PTPRT: variants seen among roughly 807,000 people sequenced by gnomAD.
PTPRT encodes the protein protein tyrosine phosphatase receptor type T.
PTPRT carries 56 observed loss-of-function variants against 176.8 expected under a neutral mutation model. That is an observed-to-expected ratio of 0.32 (90% CI 0.26 to 0.40). The LOEUF is 0.40. Among genes scored for constraint, PTPRT ranks in the 10% least tolerant of loss-of-function variants. The probability of loss-of-function intolerance (pLI) is 1.00; values close to 1 mark genes in which losing one functional copy is unlikely to be tolerated. For synonymous variants in PTPRT, 783 were observed against 739.0 expected (o/e 1.06, Z -0.96); for missense variants, 1,540 against 1,908.2 (o/e 0.81, Z 3.60).
chr20:42,821,306 A>G (rs560247327), intron 2 of PTPRT, among the ~76,000 whole-genome samples: 1 of 152,364 alleles, frequency 6.6e-6, no homozygotes, highest in African/African-American at 2.4e-5. Flanking sequence ...ACCAAAGACA[A>G]AAACCACATG....
chr20:42,242,232 G>A (rs191058751), intron 14 of PTPRT, among the ~76,000 whole-genome samples: 210 of 152,268 alleles, frequency 1.4e-3, no homozygotes, highest in Non-Finnish European at 1.8e-3. Context: ...CTTGGTGCAC[G>A]AACCATTAAT....
At chr20:42,385,959 A>C (rs1479193585) in intron 9 of PTPRT, among the ~76,000 whole-genome samples, 2 of 152,220 alleles carry the variant, frequency 1.3e-5, no homozygotes, top group African/African-American at 4.8e-5. Context: ...TCTCATGCTA[A>C]GTTTTCTTAT....
At chr20:42,983,087 T>A (rs1475892274) in intron 1 of PTPRT, among the ~76,000 whole-genome samples, 1 of 152,174 alleles carries the variant, frequency 6.6e-6, no homozygotes, top group Admixed American at 6.5e-5. Flanking sequence ...TATAGTCACT[T>A]CCCCACTGGG....
intron 1 of PTPRT, among the ~76,000 whole-genome samples, chr20:42,900,890 G>A (rs1340189913): frequency 2.0e-5 from 3 of 151,884 alleles, no homozygotes; most frequent in Non-Finnish European, 4.4e-5. Flanking sequence ...AAGAATCCAG[G>A]GCTCAAGGCA....
At chr20:42,038,264 C>A in the PTPRT span, among the ~76,000 whole-genome samples, 1 of 152,144 alleles carries the variant, frequency 6.6e-6, no homozygotes, top group African/African-American at 2.4e-5. Context: ...GGTAAAGTGG[C>A]TCCCTCAAGG....
At chr20:43,181,143 G>C (rs1208561779) in intron 1 of PTPRT, among the ~76,000 whole-genome samples, 1 of 152,162 alleles carries the variant, frequency 6.6e-6, no homozygotes, top group East Asian at 1.9e-4. Context: ...CTCAAGCCAA[G>C]AGCCCGTGAG....
intron 1 of PTPRT, among the ~76,000 whole-genome samples, chr20:42,995,862 C>T (rs1193970705): frequency 6.6e-6 from 1 of 152,122 alleles, no homozygotes; most frequent in African/African-American, 2.4e-5. Context: ...CACTCTGTTG[C>T]CCAGGCTGAA....
At chr20:43,127,229 C>G (rs2013475564) in intron 1 of PTPRT, among the ~76,000 whole-genome samples, 1 of 152,006 alleles carries the variant, frequency 6.6e-6, no homozygotes, top group East Asian at 1.9e-4. Flanking sequence ...GGAGACCATC[C>G]TGGCTAACAT....
chr20:42,584,787 T>G (rs1005036159), intron 7 of PTPRT, among the ~76,000 whole-genome samples: 2 of 152,222 alleles, frequency 1.3e-5, no homozygotes, highest in African/African-American at 4.8e-5. Flanking sequence ...GGTGTAGGAC[T>G]GATCAATAAA....
chr20:43,083,372 A>ATT (rs1308570467), intron 1 of PTPRT, among the ~76,000 whole-genome samples: 1 of 109,922 alleles, frequency 9.1e-6, no homozygotes, highest in African/African-American at 3.2e-5. Flanking sequence ...ATATATATAC[A>ATT]TTTTTTGAGA....
At chr20:42,856,662 G>A (rs992554) in intron 2 of PTPRT, among the ~76,000 whole-genome samples, 3,906 of 152,022 alleles carry the variant, frequency 0.026, 76 homozygotes, top group Middle Eastern at 0.082. Context: ...TACTAGATCC[G>A]CTGCAGTTCC....
chr20:42,356,812 TG>T (rs2145547706), intron 9 of PTPRT, among the ~76,000 whole-genome samples: 1 of 152,280 alleles, frequency 6.6e-6, no homozygotes, highest in African/African-American at 2.4e-5. Context: ...GTGCGTGAGC[TG>T]GCCTCGCTCG....
chr20:42,523,936 T>C (rs1352643109), intron 7 of PTPRT, among the ~76,000 whole-genome samples: 1 of 152,064 alleles, frequency 6.6e-6, no homozygotes, highest in Admixed American at 6.6e-5. Flanking sequence ...TAGTGTGCTA[T>C]GTTCACACCT....
chr20:42,276,576 G>T (rs2057043496), intron 13 of PTPRT, among the ~76,000 whole-genome samples: 2 of 110,438 alleles, frequency 1.8e-5, no homozygotes, highest in South Asian at 3.3e-4. Context: ...TTGAATACTT[G>T]GTAGAAAGGG....
At chr20:42,686,498 T>G (rs1481220752) in intron 6 of PTPRT, among the ~76,000 whole-genome samples, 3 of 88,844 alleles carry the variant, frequency 3.4e-5, no homozygotes, top group Non-Finnish European at 6.5e-5. Flanking sequence ...TTTTTTTTTT[T>G]TTTGAGACAG....
chr20:42,225,559 T>C (rs6130081), intron 15 of PTPRT, among the ~76,000 whole-genome samples: 47,990 of 152,096 alleles, frequency 0.32, 8,641 homozygotes, highest in East Asian at 0.39. Context: ...TTTCCTAGCA[T>C]GCTATCAAAT....
rs2015494107 is a variant in PTPRT at position 43,189,743 on chromosome 20, G to A, written c.-10C>T. On this transcript the variant is annotated 5_prime_UTR_variant, in exon 1 of 31. Coordinates refer to ENST00000373187, the MANE Select transcript of PTPRT (RefSeq NM_007050.6). This position sits in a 1 kb window ranked among gnomAD's most constrained non-coding sequence, Gnocchi z 5.0. Reference sequence around the variant, plus strand: ...CGGCGAGGCTCGCCATCCGGGCGGCGGCGGGCAGCTCAGCCCCTTCCCGCG... The same window carrying A: ...CGGCGAGGCTCGCCATCCGGGCGGCAGCGGGCAGCTCAGCCCCTTCCCGCG... The A allele has an allele frequency of 1.6e-6, 2 of 1,227,690 alleles. No homozygotes were observed. The highest frequency in any genetic ancestry group is 3.0e-5 in the South Asian group (1 of 33,714). The allele number at this position is 1,227,690 out of a possible 1,614,324, so 76.0% of individuals were successfully genotyped here.
At chr20:42,544,983 C>T (rs1424773082) in intron 7 of PTPRT, among the ~76,000 whole-genome samples, 1 of 152,116 alleles carries the variant, frequency 6.6e-6, no homozygotes, top group African/African-American at 2.4e-5. Flanking sequence ...CTGTACACTC[C>T]CCAGCTTCGC....
At chr20:42,319,965 T>C (rs367918557) in intron 11 of PTPRT, among the ~76,000 whole-genome samples, 45 of 152,184 alleles carry the variant, frequency 3.0e-4, no homozygotes, top group African/African-American at 1.1e-3. Context: ...GAGAGAAGAA[T>C]AACCTAAGAC....
Sources: gnomAD v4.1 joint callset for allele counts (sites outside exome capture counted in the v4.1 genomes callset) on GRCh38, gnomAD v4.1.1 for gene constraint, Gnocchi (gnomAD v3.1) non-coding constraint, MANE v1.5 for transcripts, NCBI Gene and HGNC (gene_info 2026-07-23, HGNC 2026-07-21) for gene names.